The following JAM2 variants were observed in gnomAD, a reference collection of about 807,000 sequenced individuals.
JAM2 encodes the protein junctional adhesion molecule 2, also known as junctional adhesion molecule B.
A neutral mutation model predicts 42.0 loss-of-function variants in JAM2; 17 were observed. The ratio of observed to expected loss-of-function variants is 0.40; its 90% confidence interval spans 0.28 to 0.61. The LOEUF (loss-of-function observed/expected upper bound fraction) is 0.61, where lower values mean the gene tolerates loss of function less well. JAM2 is among the 20% of genes least tolerant of loss of function. JAM2 has a pLI of 0.37. For missense variants in JAM2, 319 were observed against 358.3 expected (o/e 0.89, Z 0.89); for synonymous variants, 118 against 128.6 (o/e 0.92, Z 0.56).
chr21:25,645,388 A>G (rs1356786304), intron 1 of JAM2, among the ~76,000 whole-genome samples: 1 of 152,178 alleles, frequency 6.6e-6, no homozygotes, highest in Non-Finnish European at 1.5e-5. Context: ...TACATGTATA[A>G]CACACTTAGT....
chr21:25,684,289 C>T (rs1391319757), intron 2 of JAM2, among the ~76,000 whole-genome samples: 1 of 152,196 alleles, frequency 6.6e-6, no homozygotes, highest in East Asian at 1.9e-4. Flanking sequence ...CTTCAAACTC[C>T]ACTCTGTGTA....
intron 1 of JAM2, among the ~76,000 whole-genome samples, chr21:25,675,039 C>T (rs1039546316): frequency 1.1e-4 from 17 of 152,142 alleles, no homozygotes; most frequent in Non-Finnish European, 2.1e-4. Flanking sequence ...AACTGGCTCA[C>T]GGTTCTGCAG....
intron 6 of JAM2, among the ~76,000 whole-genome samples, chr21:25,705,032 A>G (rs71317426): frequency 0.027 from 4,173 of 152,312 alleles, 94 homozygotes; most frequent in Admixed American, 0.041. Context: ...GCATTACATT[A>G]GAGGACGGAT....
At chr21:25,708,984 T>C (rs925249035) in intron 7 of JAM2, among the ~76,000 whole-genome samples, 28 of 152,264 alleles carry the variant, frequency 1.8e-4, no homozygotes, top group African/African-American at 6.5e-4. Context: ...TATTTTTCTA[T>C]GGCCTATGAA....
chr21:25,679,951 T>C (rs777846526), intron 1 of JAM2, among the ~76,000 whole-genome samples: 26 of 152,208 alleles, frequency 1.7e-4, no homozygotes, highest in Non-Finnish European at 3.1e-4. Flanking sequence ...TCTATGATCA[T>C]GGCCATGTTT....
intron 1 of JAM2, among the ~76,000 whole-genome samples, chr21:25,641,613 A>T (rs906335363): frequency 6.6e-6 from 1 of 151,988 alleles, no homozygotes; most frequent in Non-Finnish European, 1.5e-5. Flanking sequence ...TTTTATGTTT[A>T]AAACAATTTT....
At chr21:25,660,070 G>A (rs902112172) in intron 1 of JAM2, among the ~76,000 whole-genome samples, 10 of 151,916 alleles carry the variant, frequency 6.6e-5, no homozygotes, top group Non-Finnish European at 1.3e-4. Flanking sequence ...GGCCACCCCC[G>A]ACCATGCTCA....
intron 1 of JAM2, among the ~76,000 whole-genome samples, chr21:25,675,549 G>A (rs937574529): frequency 4.0e-5 from 6 of 148,304 alleles, no homozygotes; most frequent in Non-Finnish European, 7.5e-5. Context: ...AGAGGAAGGA[G>A]GGGAAGGAAG....
At chr21:25,652,079 CA>C (rs1220710267) in intron 1 of JAM2, among the ~76,000 whole-genome samples, 2 of 151,898 alleles carry the variant, frequency 1.3e-5, no homozygotes, top group Non-Finnish European at 2.9e-5. Flanking sequence ...AAATGGAAAA[CA>C]AATGGAAATA....
chr21:25,671,804 C>G (rs1054041300), intron 1 of JAM2, among the ~76,000 whole-genome samples: 3 of 152,148 alleles, frequency 2.0e-5, no homozygotes, highest in African/African-American at 7.2e-5. Flanking sequence ...CCACTGCGCC[C>G]AGCAGAAAAG....
At chr21:25,684,853 C>T (rs2033715043) in intron 2 of JAM2, among the ~76,000 whole-genome samples, 1 of 152,304 alleles carries the variant, frequency 6.6e-6, no homozygotes, top group East Asian at 1.9e-4. Context: ...CCACCTTGGC[C>T]TCCCAAACTG....
At position 25,714,728 on chromosome 21, in the gene JAM2, A is replaced by G; in HGVS notation, c.*56A>G. The G allele has an allele frequency of 8.7e-7, 1 of 1,143,344 alleles. No homozygotes were observed. 70.8% of individuals were successfully genotyped at this position (1,143,344 alleles called of 1,614,324 possible). On this transcript the variant is annotated 3_prime_UTR_variant, in exon 10 of 10. Coordinates refer to ENST00000480456, the MANE Select transcript of JAM2 (RefSeq NM_021219.4). ...CCGTTGTTACACAAGTTATTAAACT[A>G]TTATAAAACTCTGCTTTGTCCGACA...
At chr21:25,664,641 T>TTCTGTCCTAG (rs2033172971) in intron 1 of JAM2, among the ~76,000 whole-genome samples, 1 of 152,226 alleles carries the variant, frequency 6.6e-6, no homozygotes, top group South Asian at 2.1e-4. Context: ...CATGACATCA[T>TTCTGTCCTAG]TCTGTCCTAG....
At chr21:25,709,339 A>C (rs2034335937) in intron 7 of JAM2, 95 bp from the exon 8 acceptor site, 1 of 690,052 alleles carries the variant, frequency 1.4e-6, no homozygotes, top group African/African-American at 1.8e-5. Flanking sequence ...GATTAAAATT[A>C]ATAAAAATAA....
chr21:25,665,246 T>A (rs773075020), intron 1 of JAM2, among the ~76,000 whole-genome samples: 19 of 152,206 alleles, frequency 1.2e-4, no homozygotes, highest in Non-Finnish European at 2.1e-4. Flanking sequence ...GTCCTTGACA[T>A]GCCTCTGAAG....
chr21:25,676,650 G>A (rs1055369553), intron 1 of JAM2, among the ~76,000 whole-genome samples: 1 of 152,148 alleles, frequency 6.6e-6, no homozygotes, highest in Non-Finnish European at 1.5e-5. Flanking sequence ...AAGATGTTCT[G>A]AGGCTAACTT....
At position 25,639,813 on chromosome 21, in the gene JAM2, C is replaced by A; in HGVS notation, c.-9C>A. 1 of 1,577,346 alleles carries A rather than the reference C, an allele frequency of 6.3e-7. No homozygotes were observed. The highest frequency in any genetic ancestry group is 2.3e-5 in the East Asian group (1 of 43,580). On this transcript the variant is annotated 5_prime_UTR_variant, in exon 1 of 10. Coordinates refer to ENST00000480456, the MANE Select transcript of JAM2 (RefSeq NM_021219.4). ...CCTCCTCAGAGCAGCCGGCTGCCGCCCCGGGAAGATGGCGAGGAGGAGCCG... is the reference window on the plus strand; with the variant it reads ...CCTCCTCAGAGCAGCCGGCTGCCGCACCGGGAAGATGGCGAGGAGGAGCCG...
At chr21:25,672,204 C>T (rs2033378384) in intron 1 of JAM2, among the ~76,000 whole-genome samples, 1 of 151,996 alleles carries the variant, frequency 6.6e-6, no homozygotes, top group Admixed American at 6.6e-5. Flanking sequence ...CCCAAATCAG[C>T]CTCCCAAGTA....
Position 25,695,756 on chromosome 21 carries a change from T to C in JAM2, c.394+1848T>C, listed in dbSNP as rs887632941. Among the ~76,000 whole-genome samples the C allele has an allele frequency of 5.7e-3, 775 of 136,752 alleles. 2 individuals are homozygous for C. Among genetic ancestry groups the C allele is most frequent in the African/African-American group, 0.02 (693 of 35,414 alleles). 89.7% of individuals were successfully genotyped at this position (136,752 alleles called of 152,430 possible). A position where few individuals can be genotyped will look rare whatever the true frequency, so the allele number is the denominator to read the frequency against. ...GGGGCTCCTCACTTCTCAGACGGGGTGGCCGGGCAGAGACGCTCCTCACCT... is the reference window on the plus strand; with the variant it reads ...GGGGCTCCTCACTTCTCAGACGGGGCGGCCGGGCAGAGACGCTCCTCACCT... On this transcript the variant is annotated intron_variant, in intron 4 of 9. Coordinates refer to ENST00000480456, the MANE Select transcript of JAM2 (RefSeq NM_021219.4).
Sources: gnomAD v4.1 joint callset for allele counts (sites outside exome capture counted in the v4.1 genomes callset) on GRCh38, gnomAD v4.1.1 for gene constraint, MANE v1.5 for transcripts, NCBI Gene and HGNC (gene_info 2026-07-23, HGNC 2026-07-21) for gene names.